TACC2: variants seen among roughly 807,000 people sequenced by gnomAD.
The protein encoded by TACC2 is transforming acidic coiled-coil-containing protein 2.
Under a neutral mutation model 227.3 loss-of-function variants are expected in TACC2, and 137 were observed. The ratio of observed to expected loss-of-function variants is 0.60; its 90% confidence interval spans 0.52 to 0.69. TACC2 has a LOEUF of 0.69. TACC2 is among the 30% of genes least tolerant of loss of function. TACC2 has a pLI of 0.00. For synonymous variants in TACC2, 1,523 were observed against 1,487.5 expected (o/e 1.02, Z -0.55); for missense variants, 3,470 against 3,694.4 (o/e 0.94, Z 1.57).
intron 7 of TACC2, among the ~76,000 whole-genome samples, chr10:122,168,394 G>A (rs1024257438): frequency 6.6e-6 from 1 of 152,188 alleles, no homozygotes; most frequent in Admixed American, 6.5e-5. Flanking sequence ...AACATTATCT[G>A]TAGAGTGGGA....
intron 5 of TACC2, among the ~76,000 whole-genome samples, chr10:122,094,149 A>G (rs1178016999): frequency 6.6e-6 from 1 of 152,192 alleles, no homozygotes; most frequent in Admixed American, 6.5e-5. Flanking sequence ...ACAATCATAT[A>G]CCAAAGTCAA....
At position 122,015,074 on chromosome 10, in the gene TACC2, G is replaced by GC. The variant is rs375167059; in HGVS notation, c.-45-6863_-45-6862insC. 2.6e-5 allele frequency among the ~76,000 whole-genome samples: 4 copies of GC among 151,534 alleles called. No homozygotes were observed. The East Asian group carries it at 7.8e-4, about 29-fold the overall frequency. Reference sequence around the variant, plus strand: ...GGTGGACTTTGGCCAAACCACTTATGGTACTTACAGGCTTTGGCAGTTCAT... The same window carrying GC: ...GGTGGACTTTGGCCAAACCACTTATGCGTACTTACAGGCTTTGGCAGTTCAT... On this transcript the variant is annotated intron_variant, in intron 1 of 22. Transcript: ENST00000369005.
At chr10:122,058,132 A>G (rs1270208831) in intron 3 of TACC2, among the ~76,000 whole-genome samples, 1 of 152,152 alleles carries the variant, frequency 6.6e-6, no homozygotes, top group Non-Finnish European at 1.5e-5. Context: ...TATAAAGCCT[A>G]ATTTTAGCGC....
At chr10:122,122,019 G>A (rs2085914410) in intron 5 of TACC2, among the ~76,000 whole-genome samples, 1 of 152,192 alleles carries the variant, frequency 6.6e-6, no homozygotes, top group Admixed American at 6.5e-5. Context: ...TCTTTGCCAA[G>A]TCGCTTAATT....
At chr10:122,073,085 C>G (rs2078284313) in intron 3 of TACC2, among the ~76,000 whole-genome samples, 1 of 125,332 alleles carries the variant, frequency 8.0e-6, no homozygotes. Flanking sequence ...TGGACTCCAG[C>G]CTGGGTGACA....
At chr10:122,067,648 A>C (rs185884647) in intron 3 of TACC2, among the ~76,000 whole-genome samples, 1 of 152,076 alleles carries the variant, frequency 6.6e-6, no homozygotes, top group African/African-American at 2.4e-5. Flanking sequence ...CTGGAATTAT[A>C]GGCGTATGCC....
At position 122,084,289 on chromosome 10, in the gene TACC2, G is replaced by C; in HGVS notation, c.1789G>C (p.Glu597Gln). 6.2e-7 allele frequency: 1 copy of C among 1,614,012 alleles called. No homozygotes were observed. The highest frequency in any genetic ancestry group is 1.1e-5 in the South Asian group (1 of 91,090). Residue 597 changes from glutamate to glutamine, a missense_variant, in exon 4 of 23, where the codon GAG becomes CAG. By Grantham distance (29) the Glu-to-Gln change is conservative. Around this residue, in one of 10 missense-constraint regions of TACC2, gnomAD observed 1,924 missense variants for 1,978.3 expected, o/e 0.97. Coordinates refer to ENST00000369005, the MANE Select transcript of TACC2 (RefSeq NM_206862.4). Reference sequence around the variant, plus strand: ...TGGAGACCCAGGGAACCTGCAAGGAGAGGACTCTCAGGCTTTCAGCAGCAA... The same window carrying C: ...TGGAGACCCAGGGAACCTGCAAGGACAGGACTCTCAGGCTTTCAGCAGCAA... ...DGGDPGNLQG[E>Q]DSQAFSSKRD... is the part of the protein sequence containing the mutation.
rs1264401469 is a variant in TACC2, at chr10:122,048,403, T to TCCTCCCTC, written c.34-2027_34-2020dup. Among the ~76,000 whole-genome samples, 5 of 123,102 alleles carry TCCTCCCTC rather than the reference T, an allele frequency of 4.1e-5. No individual in the cohort carries two copies. The East Asian group carries it at 1.2e-3, about 30-fold the overall frequency. The allele number at this position is 123,102 out of a possible 152,430, so 80.8% of individuals were successfully genotyped here. On this transcript the variant is annotated intron_variant, in intron 2 of 22. Transcript: ENST00000369005. ...TTTTTTTCTCCTCCCTTTCCTTCCTTCCTCCCTCCCTCCCTTCCTTCCCTC... is the reference window on the plus strand; with the variant it reads ...TTTTTTTCTCCTCCCTTTCCTTCCTTCCTCCCTCCCTCCCTCCCTCCCTTCCTTCCCTC...
chr10:122,119,695 C>T (rs2085348514), intron 5 of TACC2, among the ~76,000 whole-genome samples: 1 of 152,290 alleles, frequency 6.6e-6, no homozygotes, highest in African/African-American at 2.4e-5. Context: ...GGGTGGATCA[C>T]CAAAGGTCAG....
intron 9 of TACC2, chr10:122,213,246 CAT>C: frequency 7.5e-7 from 1 of 1,327,514 alleles, no homozygotes; most frequent in Non-Finnish European, 1.1e-6. Flanking sequence ...CGGTGGCCGC[CAT>C]ATCCTAACCC....
intron 9 of TACC2, among the ~76,000 whole-genome samples, chr10:122,213,922 C>T (rs889248856): frequency 1.3e-5 from 2 of 152,194 alleles, no homozygotes; most frequent in African/African-American, 4.8e-5. Flanking sequence ...AGAGCCATCG[C>T]CAGGCTGCCC....
chr10:122,099,491 G>C (rs898297488), intron 5 of TACC2, among the ~76,000 whole-genome samples: 12 of 152,190 alleles, frequency 7.9e-5, no homozygotes, highest in Non-Finnish European at 1.6e-4. Flanking sequence ...GACACACTCA[G>C]CTGGAAGGAG....
intron 7 of TACC2, among the ~76,000 whole-genome samples, chr10:122,187,956 A>T (rs2094267874): frequency 6.6e-6 from 1 of 151,814 alleles, no homozygotes; most frequent in African/African-American, 2.4e-5. Context: ...TGTCAAGGGG[A>T]GCTGGGAGGC....
intron 7 of TACC2, among the ~76,000 whole-genome samples, chr10:122,157,431 C>T (rs1592715702): frequency 6.6e-6 from 1 of 152,048 alleles, no homozygotes; most frequent in African/African-American, 2.4e-5. Context: ...AGGCATCAGC[C>T]ACCATATACA....
intron 3 of TACC2, among the ~76,000 whole-genome samples, chr10:122,069,804 T>C (rs1046563561): frequency 6.6e-6 from 1 of 152,222 alleles, no homozygotes; most frequent in African/African-American, 2.4e-5. Flanking sequence ...AGAGACAAGA[T>C]GCCGCGGGCA....
At chr10:122,151,208 CAT>C (rs1288925768) in intron 7 of TACC2, among the ~76,000 whole-genome samples, 1 of 152,172 alleles carries the variant, frequency 6.6e-6, no homozygotes, top group Non-Finnish European at 1.5e-5. Flanking sequence ...ATAAACTTAA[CAT>C]AGTACAACCT....
chr10:122,170,308 C>G (rs1474788962), intron 7 of TACC2, among the ~76,000 whole-genome samples: 1 of 127,906 alleles, frequency 7.8e-6, no homozygotes, highest in Non-Finnish European at 1.6e-5. Flanking sequence ...CTCACTCTGC[C>G]CCCCAGGCTG....
chr10:122,132,864 A>C, intron 6 of TACC2, 130 bp downstream of exon 6: 6 of 901,846 alleles, frequency 6.7e-6, no homozygotes, highest in Middle Eastern at 3.3e-4. Context: ...CTGCACACAC[A>C]CACAGGGTGT....
At chr10:122,040,782 A>T (rs2074158644) in intron 2 of TACC2, among the ~76,000 whole-genome samples, 1 of 152,328 alleles carries the variant, frequency 6.6e-6, no homozygotes, top group East Asian at 1.9e-4. Context: ...AGAAACTGTG[A>T]TCAATGCTAT....
Sources: gnomAD v4.1 joint callset for allele counts (sites outside exome capture counted in the v4.1 genomes callset) on GRCh38, gnomAD v4.1.1 for gene constraint, gnomAD v4.1.1 regional missense constraint, MANE v1.5 for transcripts, NCBI Gene and HGNC (gene_info 2026-07-23, HGNC 2026-07-21) for gene names.